The following AHI1 variants were observed in gnomAD, a reference collection of about 807,000 sequenced individuals.
AHI1 encodes the protein jouberin.
Under a neutral mutation model 149.3 loss-of-function variants are expected in AHI1, and 123 were observed. The ratio of observed to expected loss-of-function variants is 0.82; its 90% CI spans 0.71 to 0.96. AHI1 has a LOEUF of 0.96. Among genes scored for constraint, AHI1 ranks in the 40% least tolerant of loss-of-function variants. The pLI is 0.00. For missense variants in AHI1, 1,439 were observed against 1,422.7 expected, an observed-to-expected ratio of 1.01 and a Z score of -0.18; for synonymous variants, 475 against 459.8, an observed-to-expected ratio of 1.03 and a Z score of -0.42.
chr6:135,351,588 C>T (rs17064447), intron 24 of AHI1, among the ~76,000 whole-genome samples: 2,023 of 152,212 alleles, frequency 0.013, 45 homozygotes, highest in African/African-American at 0.046. Flanking sequence ...TGTGAGAAAC[C>T]GTAGGCATAT....
Position 135,436,437 on chromosome 6 carries a change from A to G in AHI1, c.2036+1938T>C, listed in dbSNP as rs145642281. ...GCAAGAAACTGCCAACCTCTGAAGA[A>G]AGAAGTTTATGTAGCATGGTGGGAA... On this transcript the variant is annotated intron_variant, in intron 15 of 28. Coordinates refer to ENST00000265602, the MANE Select transcript of AHI1 (RefSeq NM_001134831.2). Among the ~76,000 whole-genome samples the G allele has an allele frequency of 2.5e-3, 381 of 152,288 alleles. 2 individuals carry two copies. The highest frequency in any genetic ancestry group is 8.5e-3 in the African/African-American group (354 of 41,570).
Position 135,394,897 on chromosome 6 carries a change from C to T in AHI1, c.2989-1G>A. Reference sequence around the variant, plus strand: ...AAGTAAATGAGAGATTTTTGTTGACCTGTATTAGGAAAACAAATCAGAAAC... The same window carrying T: ...AAGTAAATGAGAGATTTTTGTTGACTTGTATTAGGAAAACAAATCAGAAAC... On this transcript the variant is annotated splice_acceptor_variant, in intron 22 of 28. Transcript: ENST00000265602. LOFTEE classifies it high-confidence loss of function. 2 of 1,592,616 alleles carry T rather than the reference C, an allele frequency of 1.3e-6. No individual in the cohort carries two copies. The highest frequency in any genetic ancestry group is 2.3e-5 in the South Asian group (2 of 87,810).
chr6:135,374,064 C>T (rs1466385394), intron 23 of AHI1, among the ~76,000 whole-genome samples: 2 of 132,288 alleles, frequency 1.5e-5, no homozygotes, highest in East Asian at 4.3e-4. Context: ...GAGATCTTTT[C>T]TGCTAGTTTA....
At chr6:135,380,659 C>G (rs1776604340) in intron 23 of AHI1, among the ~76,000 whole-genome samples, 1 of 149,762 alleles carries the variant, frequency 6.7e-6, no homozygotes, top group South Asian at 2.1e-4. Context: ...TGGGTACTTA[C>G]TGAATGTATA....
chr6:135,352,195 C>T lies in AHI1; in HGVS notation c.3165+5937G>A, dbSNP rs185167668. On this transcript the variant is annotated intron_variant, in intron 24 of 28. Transcript: ENST00000265602. ...TTATTTTAATCCTTTTAAAACATTA[C>T]TCCCTTCATCATATTATTCTCATGA... Among the ~76,000 whole-genome samples, 507 of 152,260 alleles carry T rather than the reference C, an allele frequency of 3.3e-3. 1 individual carries two copies. The highest frequency in any genetic ancestry group is 6.8e-3 in the Middle Eastern group (2 of 294).
chr6:135,358,714 T>C (rs1333590992), intron 23 of AHI1, among the ~76,000 whole-genome samples: 2 of 152,232 alleles, frequency 1.3e-5, no homozygotes, highest in African/African-American at 4.8e-5. Flanking sequence ...GATTCCCTCC[T>C]TTAAAATGAT....
At chr6:135,420,606 C>T (rs1201454351) in intron 20 of AHI1, among the ~76,000 whole-genome samples, 3 of 152,092 alleles carry the variant, frequency 2.0e-5, no homozygotes, top group South Asian at 2.1e-4. Flanking sequence ...ATGAATGAGC[C>T]GCTGCTAGTT....
intron 21 of AHI1, among the ~76,000 whole-genome samples, chr6:135,411,053 C>A (rs1233977248): frequency 6.6e-6 from 1 of 152,138 alleles, no homozygotes; most frequent in African/African-American, 2.4e-5. Flanking sequence ...TGGAGTCATA[C>A]CTGTATGCTA....
At chr6:135,475,167 T>C (rs1792396538) in intron 5 of AHI1, among the ~76,000 whole-genome samples, 1 of 152,240 alleles carries the variant, frequency 6.6e-6, no homozygotes, top group Admixed American at 6.5e-5. Context: ...ACACATTTCA[T>C]CTAAACTGCT....
At chr6:135,485,184 A>G (rs1216885375) in intron 5 of AHI1, among the ~76,000 whole-genome samples, 1 of 151,438 alleles carries the variant, frequency 6.6e-6, no homozygotes, top group Non-Finnish European at 1.5e-5. Flanking sequence ...AGCAATTCTC[A>G]TGCCTCAGCC....
intron 23 of AHI1, among the ~76,000 whole-genome samples, chr6:135,386,334 G>A (rs1230747301): frequency 1.3e-5 from 2 of 149,956 alleles, no homozygotes; most frequent in African/African-American, 4.9e-5. Context: ...TTTTTGAGAC[G>A]GAGTCTCGCT....
chr6:135,308,563 C>A (rs191311773), intron 26 of AHI1, among the ~76,000 whole-genome samples: 1 of 152,206 alleles, frequency 6.6e-6, no homozygotes, highest in African/African-American at 2.4e-5. Context: ...TCATGAAGAG[C>A]AAATATGTTA....
intron 20 of AHI1, among the ~76,000 whole-genome samples, chr6:135,419,132 A>ATT (rs1782789888): frequency 6.6e-6 from 1 of 152,012 alleles, no homozygotes; most frequent in South Asian, 2.1e-4. Flanking sequence ...AGAACTTTGA[A>ATT]GTATTACTAA....
chr6:135,466,996 GTCAAGTAAT>G (rs1790867316), intron 6 of AHI1, among the ~76,000 whole-genome samples: 1 of 152,124 alleles, frequency 6.6e-6, no homozygotes, highest in Non-Finnish European at 1.5e-5. Context: ...AAGGATAAGA[GTCAAGTAAT>G]ACAAGGAAGA....
chr6:135,444,842 G>A (rs758766132), intron 13 of AHI1, among the ~76,000 whole-genome samples: 1 of 152,214 alleles, frequency 6.6e-6, no homozygotes, highest in Non-Finnish European at 1.5e-5. Context: ...GAATCTGAAT[G>A]AGACTAGTAA....
At chr6:135,398,197 C>T (rs574982320) in intron 22 of AHI1, among the ~76,000 whole-genome samples, 1 of 151,060 alleles carries the variant, frequency 6.6e-6, no homozygotes, top group Non-Finnish European at 1.5e-5. Context: ...TTTACATTCT[C>T]ATAATATAAA....
At chr6:135,404,211 C>T (rs968187930) in intron 22 of AHI1, among the ~76,000 whole-genome samples, 1 of 152,162 alleles carries the variant, frequency 6.6e-6, no homozygotes. Flanking sequence ...AGGATGAACT[C>T]ATGTTGCCAT....
chr6:135,457,593 C>T lies in AHI1; in HGVS notation c.1052G>A (p.Arg351Gln), dbSNP rs397514726. 55 of 1,613,810 alleles carry T rather than the reference C, an allele frequency of 3.4e-5. No individual in the cohort carries two copies. The highest frequency in any genetic ancestry group is 3.3e-4 in the South Asian group (30 of 91,082). Residue 351 changes from arginine to glutamine, a missense_variant, in exon 9 of 29, where the codon CGA becomes CAA. By Grantham distance (43) the Arg-to-Gln change is conservative. Coordinates refer to ENST00000265602, the MANE Select transcript of AHI1 (RefSeq NM_001134831.2). ...AAAATCTGACTTAAGTCTATCAGTTCGGTGAATGTAAACTCCCAAGACAAG... is the reference window on the plus strand; with the variant it reads ...AAAATCTGACTTAAGTCTATCAGTTTGGTGAATGTAAACTCCCAAGACAAG... The part of the protein sequence containing the change: ...DDLVLGVYIH[R>Q]TDRLKSDFMI...
Position 135,352,701 on chromosome 6 carries a change from G to GTGTA in AHI1, c.3165+5430_3165+5431insTACA, listed in dbSNP as rs1554289060. Among the ~76,000 whole-genome samples, 571 of 129,484 alleles carry GTGTA rather than the reference G, an allele frequency of 4.4e-3. 14 individuals carry two copies. The East Asian group carries it at 0.061, about 14-fold the overall frequency. The allele number at this position is 129,484 out of a possible 152,430, so 84.9% of individuals were successfully genotyped here. Reference sequence around the variant, plus strand: ...AACTACTCAAAGACACATTGTGTGTGTATATATATATACACACACACACAC... The same window carrying GTGTA: ...AACTACTCAAAGACACATTGTGTGTGTGTATATATATATATACACACACACACAC... On this transcript the variant is annotated intron_variant, in intron 24 of 28. Transcript: ENST00000265602.
Sources: gnomAD v4.1 joint callset for allele counts (sites outside exome capture counted in the v4.1 genomes callset) on GRCh38, gnomAD v4.1.1 for gene constraint, MANE v1.5 for transcripts, NCBI Gene and HGNC (gene_info 2026-07-23, HGNC 2026-07-21) for gene names.